Variants in VWC2L observed in about 807,000 individuals in gnomAD.
VWC2L encodes the protein von Willebrand factor C domain-containing protein 2-like.
VWC2L carries 10 observed loss-of-function variants against 21.6 expected under a neutral mutation model. The observed-to-expected ratio is 0.46, with a 90% CI of 0.29 to 0.78. VWC2L has a LOEUF of 0.78. VWC2L is among the 30% of genes least tolerant of loss of function. The pLI is 0.10. For synonymous variants in VWC2L, 96 were observed against 94.3 expected (o/e 1.02, Z -0.10); for missense variants, 209 against 277.1 (o/e 0.75, Z 1.74).
intron 3 of VWC2L, among the ~76,000 whole-genome samples, chr2:214,574,889 A>C (rs1444818702): frequency 1.3e-5 from 2 of 152,104 alleles, no homozygotes; most frequent in African/African-American, 4.8e-5. Flanking sequence ...AAGACAGAAA[A>C]AATTTTTAAA....
At chr2:214,458,314 T>C (rs1370937691) in intron 3 of VWC2L, among the ~76,000 whole-genome samples, 2 of 152,070 alleles carry the variant, frequency 1.3e-5, no homozygotes, top group African/African-American at 4.8e-5. Flanking sequence ...TATGAGTGTC[T>C]TCTTTTTTTC....
chr2:214,482,302 T>C (rs1354695076), intron 3 of VWC2L, among the ~76,000 whole-genome samples: 2 of 151,996 alleles, frequency 1.3e-5, no homozygotes, highest in Non-Finnish European at 2.9e-5. Context: ...ATAAAGAAAA[T>C]GTAAAGCAAC....
At chr2:214,482,715 C>G (rs1688624938) in intron 3 of VWC2L, among the ~76,000 whole-genome samples, 2 of 150,888 alleles carry the variant, frequency 1.3e-5, no homozygotes, top group Non-Finnish European at 2.9e-5. Context: ...ATAATCCCAG[C>G]TACTTGGGAG....
At chr2:214,529,163 G>C (rs1010140575) in intron 3 of VWC2L, among the ~76,000 whole-genome samples, 85 of 152,244 alleles carry the variant, frequency 5.6e-4, no homozygotes, top group African/African-American at 1.9e-3. Context: ...CCTTAGCACA[G>C]GTCCTTTCCC....
chr2:214,414,557 A>C lies in VWC2L; in HGVS notation c.364A>C (p.Asn122His). The part of the protein sequence containing the change: ...VKNFCEYHGK[N>H]YKILEEFKPS... ...AAACTTCTGTGAATATCACGGGAAA[A>C]ATTACAAAATCTTGGAGGAATTTAA... Residue 122 changes from asparagine to histidine, a missense_variant, in exon 2 of 4, where the codon AAT becomes CAT. Asn to His is a moderately conservative substitution (Grantham distance 68). Coordinates refer to ENST00000312504, the MANE Select transcript of VWC2L (RefSeq NM_001080500.4). 1.2e-6 allele frequency: 2 copies of C among 1,612,826 alleles called. No individual in the cohort carries two copies. The highest frequency in any genetic ancestry group is 1.7e-6 in the Non-Finnish European group (2 of 1,179,528).
intron 3 of VWC2L, among the ~76,000 whole-genome samples, chr2:214,475,076 T>C (rs983169248): frequency 2.6e-5 from 4 of 152,200 alleles, no homozygotes; most frequent in Non-Finnish European, 5.9e-5. Flanking sequence ...TTGTAACTAC[T>C]CAGCACGCTA....
At chr2:214,421,952 C>T (rs1026936366) in intron 2 of VWC2L, among the ~76,000 whole-genome samples, 10 of 112,550 alleles carry the variant, frequency 8.9e-5, no homozygotes, top group Non-Finnish European at 1.5e-4. Context: ...AGTGCAGTGG[C>T]GCGATCTCGA....
At chr2:214,539,116 C>G (rs1045788232) in intron 3 of VWC2L, among the ~76,000 whole-genome samples, 3 of 152,068 alleles carry the variant, frequency 2.0e-5, no homozygotes, top group Non-Finnish European at 2.9e-5. Context: ...CGTGATGGTG[C>G]TCTCCTCGGA....
chr2:214,476,784 CCT>C (rs957267949), intron 3 of VWC2L, among the ~76,000 whole-genome samples: 1 of 152,224 alleles, frequency 6.6e-6, no homozygotes, highest in East Asian at 1.9e-4. Flanking sequence ...CTCTCTCTCT[CCT>C]CTCTCTCCCT....
intron 3 of VWC2L, among the ~76,000 whole-genome samples, chr2:214,548,059 G>A (rs10932544): frequency 0.73 from 110,582 of 152,088 alleles, 40,861 homozygotes; most frequent in East Asian, 0.83. Context: ...GCCTTCTTCC[G>A]GTGTCTTCTC....
intron 3 of VWC2L, among the ~76,000 whole-genome samples, chr2:214,475,333 G>C (rs1324713618): frequency 6.6e-6 from 1 of 151,912 alleles, no homozygotes; most frequent in African/African-American, 2.4e-5. Context: ...GGATGCATTT[G>C]TTAGCAAATT....
intron 3 of VWC2L, among the ~76,000 whole-genome samples, chr2:214,521,280 A>AAATCAAT (rs1264716405): frequency 1.7e-3 from 243 of 147,080 alleles, no homozygotes; most frequent in Admixed American, 3.5e-3. Context: ...AATAAATAAA[A>AAATCAAT]CTACCAAGTT....
At chr2:214,482,663 A>T (rs35018350) in intron 3 of VWC2L, among the ~76,000 whole-genome samples, 6,403 of 141,960 alleles carry the variant, frequency 0.045, 331 homozygotes, top group African/African-American at 0.15. Flanking sequence ...ATATATATAT[A>T]TTTTTTTTTC....
At chr2:214,475,059 G>A (rs4673830) in intron 3 of VWC2L, among the ~76,000 whole-genome samples, 6,075 of 152,200 alleles carry the variant, frequency 0.04, 168 homozygotes, top group Non-Finnish European at 0.06. Flanking sequence ...GACTTGATGC[G>A]AATTGTTTGT....
chr2:214,492,360 C>T (rs1688756989), intron 3 of VWC2L, among the ~76,000 whole-genome samples: 1 of 152,186 alleles, frequency 6.6e-6, no homozygotes, highest in African/African-American at 2.4e-5. Flanking sequence ...GTTCATCAAC[C>T]ATGACCACAA....
In VWC2L at chr2:214,576,108, TGCACAG is replaced by T. The variant is rs1170445544; in HGVS notation, c.*291_*296del. On this transcript the variant is annotated 3_prime_UTR_variant, in exon 4 of 4. Coordinates refer to ENST00000312504, the MANE Select transcript of VWC2L (RefSeq NM_001080500.4). ...TGGAACAAAAAGAAAGAAATAGCCT[TGCACAG>T]GCTCCTTCCCTGGTAATGCCTCTGA... 1 of 194,416 alleles carries T rather than the reference TGCACAG, an allele frequency of 5.1e-6. No individual in the cohort carries two copies. The highest frequency in any genetic ancestry group is 2.3e-5 in the African/African-American group (1 of 43,044). 12.0% of individuals were successfully genotyped at this position (194,416 alleles called of 1,614,324 possible).
intron 2 of VWC2L, among the ~76,000 whole-genome samples, chr2:214,427,661 A>G (rs902624939): frequency 6.6e-6 from 1 of 152,196 alleles, no homozygotes; most frequent in Non-Finnish European, 1.5e-5. Flanking sequence ...GATTGGTTCC[A>G]AATCCTCTCC....
intron 3 of VWC2L, among the ~76,000 whole-genome samples, chr2:214,523,882 A>G (rs1470162354): frequency 6.6e-6 from 1 of 152,140 alleles, no homozygotes; most frequent in Non-Finnish European, 1.5e-5. Context: ...AAAAGACTCA[A>G]ATCCTGACAA....
chr2:214,559,197 C>T (rs538640551), intron 3 of VWC2L, among the ~76,000 whole-genome samples: 8 of 152,150 alleles, frequency 5.3e-5, no homozygotes, highest in East Asian at 3.9e-4. Flanking sequence ...AGACACTTCT[C>T]AAAAGAAGAC....
Sources: allele counts gnomAD v4.1 joint callset (sites outside exome capture counted in the v4.1 genomes callset), GRCh38; gene constraint gnomAD v4.1.1; transcripts MANE v1.5; gene names NCBI Gene and HGNC (gene_info 2026-07-23, HGNC 2026-07-21).